MCPH1: variants seen among roughly 807,000 people sequenced by gnomAD.
The protein encoded by MCPH1 is microcephalin.
Under a neutral mutation model 84.5 loss-of-function variants are expected in MCPH1, and 104 were observed. The observed-to-expected ratio is 1.23, with a 90% confidence interval of 1.05 to 1.45. The LOEUF (loss-of-function observed/expected upper bound fraction) is 1.45, where lower values mean the gene tolerates loss of function less well. MCPH1 is among the 40% of genes most tolerant of loss of function. The pLI is 0.00. For synonymous variants in MCPH1, 514 were observed against 366.8 expected (o/e 1.40, Z -4.58); for missense variants, 1,498 against 1,005.7 (o/e 1.49, Z -6.62).
At chr8:6,561,525 A>G (rs1825539760) in intron 12 of MCPH1, among the ~76,000 whole-genome samples, 1 of 152,254 alleles carries the variant, frequency 6.6e-6, no homozygotes, top group African/African-American at 2.4e-5. Flanking sequence ...TGGTGAAATG[A>G]AAGAGTGAGA....
intron 10 of MCPH1, among the ~76,000 whole-genome samples, chr8:6,480,019 C>T (rs73520661): frequency 0.016 from 2,451 of 152,180 alleles, 70 homozygotes; most frequent in African/African-American, 0.057. Flanking sequence ...TGGTTCTGAG[C>T]ATGCACAGAT....
intron 12 of MCPH1, among the ~76,000 whole-genome samples, chr8:6,552,270 G>A (rs1823777084): frequency 6.6e-6 from 1 of 152,196 alleles, no homozygotes; most frequent in Non-Finnish European, 1.5e-5. Context: ...CACTGAACCT[G>A]AAGGGATGAA....
At chr8:6,635,618 T>C (rs1171890489) in intron 13 of MCPH1, among the ~76,000 whole-genome samples, 2 of 151,902 alleles carry the variant, frequency 1.3e-5, no homozygotes, top group Admixed American at 1.3e-4. Context: ...ACTAAGTAAA[T>C]ATTTTGTACA....
At chr8:6,536,528 A>G (rs1820530803) in intron 12 of MCPH1, among the ~76,000 whole-genome samples, 1 of 152,184 alleles carries the variant, frequency 6.6e-6, no homozygotes, top group African/African-American at 2.4e-5. Flanking sequence ...TACCACCAGA[A>G]AAGCCCAGAA....
At chr8:6,587,940 C>T (rs188994506) in intron 12 of MCPH1, among the ~76,000 whole-genome samples, 1 of 152,326 alleles carries the variant, frequency 6.6e-6, no homozygotes, top group East Asian at 1.9e-4. Context: ...CAGCAGATTC[C>T]AATGCAGAGT....
In MCPH1 at chr8:6,503,340, G is replaced by A; in HGVS notation, c.2214+3411G>A. The A allele has an allele frequency of 1.3e-5, 20 of 1,496,338 alleles. No homozygotes were observed. In the South Asian group the frequency reaches 2.4e-4, roughly 18 times the overall value. 92.7% of individuals were successfully genotyped at this position (1,496,338 alleles called of 1,614,324 possible). The stretch of plus-strand genomic sequence containing the variant: ...CACGAAGACAGCAATACTCAGCTAA[G>A]GCAGGAGGCACACTGCAGGCGTGTG... On this transcript the variant is annotated intron_variant, in intron 12 of 13. Coordinates refer to ENST00000344683, the MANE Select transcript of MCPH1 (RefSeq NM_024596.5).
At chr8:6,491,794 A>G (rs1421313131) in intron 11 of MCPH1, among the ~76,000 whole-genome samples, 1 of 151,828 alleles carries the variant, frequency 6.6e-6, no homozygotes, top group East Asian at 1.9e-4. Context: ...TGTCCCTACA[A>G]AGGACATGAA....
chr8:6,470,659 A>G (rs774475489), intron 9 of MCPH1, among the ~76,000 whole-genome samples: 3 of 152,252 alleles, frequency 2.0e-5, no homozygotes, highest in Admixed American at 6.5e-5. Context: ...TGTTTCATGA[A>G]TACAAGTAAA....
At chr8:6,642,859 G>T (rs41312806) in intron 13 of MCPH1, 135 bp from the exon 14 acceptor site, 32 of 767,758 alleles carry the variant, frequency 4.2e-5, no homozygotes, top group Admixed American at 1.4e-4. Context: ...CTCTATGGAC[G>T]TGGGGGGGCC....
At chr8:6,438,523 T>C (rs1315856884) in intron 5 of MCPH1, among the ~76,000 whole-genome samples, 2 of 152,206 alleles carry the variant, frequency 1.3e-5, no homozygotes, top group Non-Finnish European at 2.9e-5. Context: ...GTCAAGTTCA[T>C]GTCTGGGTCT....
chr8:6,599,568 G>A (rs1185006222), intron 12 of MCPH1, among the ~76,000 whole-genome samples: 1 of 152,196 alleles, frequency 6.6e-6, no homozygotes, highest in Non-Finnish European at 1.5e-5. Context: ...TAGCTTATTT[G>A]TAAAGGAAAC....
intron 12 of MCPH1, among the ~76,000 whole-genome samples, chr8:6,569,249 A>C (rs1826468081): frequency 6.6e-6 from 1 of 152,198 alleles, no homozygotes; most frequent in Admixed American, 6.5e-5. Flanking sequence ...CAAAAGAAAA[A>C]AATCTTCTTT....
intron 11 of MCPH1, among the ~76,000 whole-genome samples, chr8:6,490,841 A>C (rs1416676781): frequency 1.3e-5 from 2 of 151,962 alleles, no homozygotes; most frequent in Non-Finnish European, 2.9e-5. Flanking sequence ...GCTGTTTTTT[A>C]GTTCTTTTTC....
intron 13 of MCPH1, among the ~76,000 whole-genome samples, chr8:6,623,321 G>A (rs1343082262): frequency 4.6e-5 from 7 of 151,808 alleles, no homozygotes; most frequent in African/African-American, 7.3e-5. Context: ...ATCCTTACCC[G>A]ACTTTAGAGG....
At chr8:6,406,782 C>G (rs936446397) in intron 1 of MCPH1, 93 bp downstream of exon 1, 8 of 1,373,700 alleles carry the variant, frequency 5.8e-6, no homozygotes, top group South Asian at 1.2e-5. Flanking sequence ...GTGGGAGGAG[C>G]CCCGCTCGCC....
intron 6 of MCPH1, among the ~76,000 whole-genome samples, chr8:6,441,093 G>A (rs1016223165): frequency 3.9e-5 from 6 of 152,112 alleles, no homozygotes; most frequent in Non-Finnish European, 8.8e-5. Context: ...GTGGTCATAT[G>A]GCCACCCCTT....
chr8:6,563,059 G>C (rs1030118349), intron 12 of MCPH1: 3 of 1,053,030 alleles, frequency 2.8e-6, no homozygotes, highest in Middle Eastern at 3.1e-4. Flanking sequence ...GTCAATGAAA[G>C]TCTTCTCTTT....
intron 12 of MCPH1, chr8:6,507,821 G>A (rs754220796): frequency 7.0e-6 from 1 of 142,136 alleles, no homozygotes; most frequent in Non-Finnish European, 1.6e-5. Context: ...AACTTCAGGT[G>A]ATCCGCCCTC....
intron 12 of MCPH1, chr8:6,520,051 A>T: frequency 6.3e-7 from 1 of 1,580,498 alleles, no homozygotes; most frequent in Non-Finnish European, 8.6e-7. Flanking sequence ...AAGACTTGTT[A>T]TTTCAAGAGC....
Sources: allele counts gnomAD v4.1 joint callset (sites outside exome capture counted in the v4.1 genomes callset), GRCh38; gene constraint gnomAD v4.1.1; transcripts MANE v1.5; gene names NCBI Gene and HGNC (gene_info 2026-07-23, HGNC 2026-07-21).